The following CNOT6 variants were observed in gnomAD, a reference collection of about 807,000 sequenced individuals.
CNOT6 encodes the protein carbon catabolite repression 4 protein.
In CNOT6, 12 loss-of-function variants were observed where a neutral mutation model predicts 61.2. The observed-to-expected ratio is 0.20, with a 90% confidence interval of 0.13 to 0.32. The LOEUF (loss-of-function observed/expected upper bound fraction) is 0.32. CNOT6 is among the 10% of genes least tolerant of loss of function. The pLI, the probability that CNOT6 is intolerant of heterozygous loss-of-function variation, is 1.00. For synonymous variants in CNOT6, 225 were observed against 240.6 expected, an observed-to-expected ratio of 0.94 and a Z score of 0.60; for missense variants, 405 against 663.9, an observed-to-expected ratio of 0.61 and a Z score of 4.28.
intron 1 of CNOT6, among the ~76,000 whole-genome samples, chr5:180,496,506 C>G (rs1313286478): frequency 6.6e-6 from 1 of 152,048 alleles, no homozygotes; most frequent in Non-Finnish European, 1.5e-5. Context: ...GGTCACTTCT[C>G]AGTCGATGAA....
At chr5:180,500,159 TCTCA>T (rs1174775699) in intron 1 of CNOT6, among the ~76,000 whole-genome samples, 2 of 151,886 alleles carry the variant, frequency 1.3e-5, no homozygotes, top group Non-Finnish European at 2.9e-5. Context: ...CTTGACAGGG[TCTCA>T]CTCTGTGTCA....
chr5:180,529,079 C>T lies in CNOT6; in HGVS notation c.-2-196C>T, dbSNP rs184280987. Among the ~76,000 whole-genome samples the T allele has an allele frequency of 3.4e-4, 52 of 151,952 alleles. 1 individual carries two copies. The highest frequency in any genetic ancestry group is 1.2e-3 in the African/African-American group (49 of 41,446). On this transcript the variant is annotated intron_variant, in intron 1 of 11. Coordinates refer to ENST00000261951, the MANE Select transcript of CNOT6 (RefSeq NM_001370472.1). ...CAAAAATGAGCCCGGCATGGTGGTG[C>T]ACGCCTATAGTCCCAGCTACTTGGG...
At chr5:180,506,240 T>G (rs1304551244) in intron 1 of CNOT6, among the ~76,000 whole-genome samples, 1 of 152,214 alleles carries the variant, frequency 6.6e-6, no homozygotes, top group Admixed American at 6.5e-5. Context: ...ATCTACCTCA[T>G]GGGTTGCTGT....
Position 180,534,403 on chromosome 5 carries a change from G to T in CNOT6, c.112+5015G>T, listed in dbSNP as rs1330269418. The stretch of plus-strand genomic sequence containing the variant: ...ACTGCTAAGAGGGTTTGGAAGAAAT[G>T]ACTCCAGGGCCAATTGATGAATGGT... On this transcript the variant is annotated intron_variant, in intron 2 of 11. Coordinates refer to ENST00000261951, the MANE Select transcript of CNOT6 (RefSeq NM_001370472.1). The T allele has an allele frequency of 2.9e-5, 5 of 170,710 alleles. No individual in the cohort carries two copies. In the South Asian group the frequency reaches 7.6e-4, roughly 26 times the overall value. The allele number at this position is 170,710 out of a possible 1,614,324, so 10.6% of individuals were successfully genotyped here.
Position 180,574,323 on chromosome 5 carries a change from G to C in CNOT6, c.*123G>C. The C allele has an allele frequency of 1.3e-6, 1 of 788,090 alleles. No homozygotes were observed. Among genetic ancestry groups the C allele is most frequent in the Non-Finnish European group, 2.1e-6 (1 of 474,632 alleles). The allele number at this position is 788,090 out of a possible 1,614,324, so 48.8% of individuals were successfully genotyped here. A position where few individuals can be genotyped will look rare whatever the true frequency, so the allele number is the denominator to read the frequency against. On this transcript the variant is annotated 3_prime_UTR_variant, in exon 12 of 12. Coordinates refer to ENST00000261951, the MANE Select transcript of CNOT6 (RefSeq NM_001370472.1). ...TAAGAATGATTTGGACTTTCAATCT[G>C]ATTATTTGATAAGGATATAGTATGA...
intron 2 of CNOT6, among the ~76,000 whole-genome samples, chr5:180,535,306 C>T (rs1758627728): frequency 1.3e-5 from 2 of 152,212 alleles, no homozygotes; most frequent in African/African-American, 4.8e-5. Context: ...AACTTTTTCA[C>T]CTTTTTCGCC....
At chr5:180,552,369 A>G (rs987498686) in intron 3 of CNOT6, among the ~76,000 whole-genome samples, 34 of 151,136 alleles carry the variant, frequency 2.2e-4, no homozygotes, top group African/African-American at 6.5e-4. Context: ...GCTGGGCACG[A>G]TGGCTCAAGC....
intron 1 of CNOT6, among the ~76,000 whole-genome samples, chr5:180,507,615 AG>A (rs35479375): frequency 0.27 from 40,887 of 152,100 alleles, 6,127 homozygotes; most frequent in Middle Eastern, 0.41. Context: ...AAACAAAAAA[AG>A]ATACAGTTTT....
intron 7 of CNOT6, among the ~76,000 whole-genome samples, chr5:180,566,208 C>CA (rs1760446056): frequency 6.6e-6 from 1 of 152,188 alleles, no homozygotes; most frequent in African/African-American, 2.4e-5. Context: ...GCTAAATACT[C>CA]ACCTTCCTCC....
At chr5:180,570,213 C>T (rs1012417937) in intron 10 of CNOT6, among the ~76,000 whole-genome samples, 1 of 152,130 alleles carries the variant, frequency 6.6e-6, no homozygotes, top group Non-Finnish European at 1.5e-5. Flanking sequence ...CAAAAATTAG[C>T]CAGGCGTGGT....
In CNOT6 at chr5:180,573,552, AGTGTGT is replaced by A. The variant is rs755954581; in HGVS notation, c.1462-391_1462-386del. ...TCCAGGCAGAATGGTGGAGGGGGGC[AGTGTGT>A]GTGTGTGTGTGTGTGTGTGTGTGTG... On this transcript the variant is annotated intron_variant, in intron 11 of 11. Transcript: ENST00000261951. 8.6e-3 allele frequency among the ~76,000 whole-genome samples: 1,023 copies of A among 119,220 alleles called. 8 individuals are homozygous for A. The highest frequency in any genetic ancestry group is 0.013 in the African/African-American group (409 of 31,116). The allele number at this position is 119,220 out of a possible 152,430, so 78.2% of individuals were successfully genotyped here.
intron 1 of CNOT6, among the ~76,000 whole-genome samples, chr5:180,511,478 G>T (rs1757392006): frequency 6.6e-6 from 1 of 152,134 alleles, no homozygotes; most frequent in African/African-American, 2.4e-5. Context: ...GGGTGTGGTG[G>T]CATGCACCTG....
At chr5:180,513,349 C>T (rs1158083564) in intron 1 of CNOT6, among the ~76,000 whole-genome samples, 1 of 152,002 alleles carries the variant, frequency 6.6e-6, no homozygotes, top group African/African-American at 2.4e-5. Context: ...GCCACCACAC[C>T]TGACTGATTT....
At chr5:180,522,886 C>T (rs1035743991) in intron 1 of CNOT6, among the ~76,000 whole-genome samples, 3 of 152,188 alleles carry the variant, frequency 2.0e-5, no homozygotes, top group Admixed American at 6.5e-5. Context: ...ATCCTTATAA[C>T]GAACCAGTGA....
chr5:180,515,938 C>T (rs1757616158), intron 1 of CNOT6, among the ~76,000 whole-genome samples: 1 of 152,122 alleles, frequency 6.6e-6, no homozygotes, highest in Admixed American at 6.6e-5. Flanking sequence ...ATCAGGGTCT[C>T]ACCGCGTTAC....
chr5:180,575,690 T>G lies in CNOT6; in HGVS notation c.*1490T>G, dbSNP rs752462539. 3 of 152,630 alleles carry G rather than the reference T, an allele frequency of 2.0e-5. No homozygotes were observed. Among genetic ancestry groups the G allele is most frequent in the Non-Finnish European group, 2.9e-5 (2 of 68,034 alleles). The allele number at this position is 152,630 out of a possible 1,614,324, so 9.5% of individuals were successfully genotyped here. On this transcript the variant is annotated 3_prime_UTR_variant, in exon 12 of 12. Coordinates refer to ENST00000261951, the MANE Select transcript of CNOT6 (RefSeq NM_001370472.1). ...GAAAACCAGCTTTAACTTTGCAAAG[T>G]GAACATGTACATGGTCTGCTCTCAT...
chr5:180,553,058 C>T (rs1320224186), intron 3 of CNOT6, among the ~76,000 whole-genome samples: 2 of 152,176 alleles, frequency 1.3e-5, no homozygotes, highest in Non-Finnish European at 2.9e-5. Context: ...TGCCAGTTTG[C>T]AAACTGTCTT....
chr5:180,549,928 C>T lies in CNOT6; in HGVS notation c.113-3C>T, dbSNP rs748102877. On this transcript the variant is annotated splice_polypyrimidine_tract_variant and splice_region_variant and intron_variant, in intron 2 of 11. Transcript: ENST00000261951. ...TCCGTTCCTGTATTTTTTTCTCTTACAGGAAAAGTAAGAAGCTTAAGCGCA... is the reference window on the plus strand; with the variant it reads ...TCCGTTCCTGTATTTTTTTCTCTTATAGGAAAAGTAAGAAGCTTAAGCGCA... The T allele has an allele frequency of 3.1e-6, 5 of 1,592,258 alleles. No individual in the cohort carries two copies. The highest frequency in any genetic ancestry group is 2.2e-5 in the East Asian group (1 of 44,604).
chr5:180,560,499 TC>T (rs1379317060), intron 4 of CNOT6, among the ~76,000 whole-genome samples: 1 of 152,180 alleles, frequency 6.6e-6, no homozygotes, highest in Non-Finnish European at 1.5e-5. Context: ...GATATAAGAA[TC>T]TGGGTTTGAC....
Sources: gnomAD v4.1 joint callset for allele counts (sites outside exome capture counted in the v4.1 genomes callset) on GRCh38, gnomAD v4.1.1 for gene constraint, MANE v1.5 for transcripts, NCBI Gene and HGNC (gene_info 2026-07-23, HGNC 2026-07-21) for gene names.